CNTNAP2: variants seen among roughly 807,000 people sequenced by gnomAD.
The protein encoded by CNTNAP2 is contactin-associated protein-like 2.
CNTNAP2 carries 98 observed loss-of-function variants against 155.2 expected under a neutral mutation model. That is an observed-to-expected ratio of 0.63 (90% CI 0.54 to 0.75). The LOEUF (loss-of-function observed/expected upper bound fraction) is 0.75. Ranked by LOEUF, CNTNAP2 falls within the 30% of genes least tolerant of loss-of-function variation. The probability of loss-of-function intolerance (pLI) is 0.00; values close to 1 mark genes in which losing one functional copy is unlikely to be tolerated. For synonymous variants in CNTNAP2, 651 were observed against 631.2 expected, an observed-to-expected ratio of 1.03 and a Z score of -0.47; for missense variants, 1,727 against 1,688.1, an observed-to-expected ratio of 1.02 and a Z score of -0.40.
chr7:147,985,249 A>G (rs1399178215), intron 15 of CNTNAP2, among the ~76,000 whole-genome samples: 2 of 151,756 alleles, frequency 1.3e-5, no homozygotes, highest in African/African-American at 2.4e-5. Flanking sequence ...CTATTTTTCC[A>G]GGATGGTAAA....
chr7:147,992,131 G>T (rs551540735), intron 15 of CNTNAP2, among the ~76,000 whole-genome samples: 3 of 111,388 alleles, frequency 2.7e-5, no homozygotes, highest in East Asian at 2.9e-4. Flanking sequence ...GTCTCGCTCT[G>T]TCACCTAGGC....
intron 13 of CNTNAP2, among the ~76,000 whole-genome samples, chr7:147,719,795 T>C (rs1323557145): frequency 6.6e-6 from 1 of 152,114 alleles, no homozygotes; most frequent in Non-Finnish European, 1.5e-5. Flanking sequence ...TGCCTTTCTC[T>C]CTTTTTTCAC....
At chr7:147,198,173 G>C (rs968391865) in intron 8 of CNTNAP2, among the ~76,000 whole-genome samples, 1 of 147,894 alleles carries the variant, frequency 6.8e-6, no homozygotes. Context: ...ACTGCCTAAA[G>C]AAAAGCTTTA....
intron 9 of CNTNAP2, among the ~76,000 whole-genome samples, chr7:147,334,138 C>G (rs1795625463): frequency 6.6e-6 from 1 of 152,190 alleles, no homozygotes. Flanking sequence ...CTGGTCCTCT[C>G]AAAGCTAATG....
At chr7:146,673,570 C>T (rs140464538) in intron 1 of CNTNAP2, among the ~76,000 whole-genome samples, 3 of 152,276 alleles carry the variant, frequency 2.0e-5, no homozygotes, top group African/African-American at 2.4e-5. Flanking sequence ...CATCCCATTA[C>T]GACAACCATA....
intron 10 of CNTNAP2, among the ~76,000 whole-genome samples, chr7:147,457,355 C>A (rs146272519): frequency 6.6e-6 from 1 of 152,242 alleles, no homozygotes; most frequent in Non-Finnish European, 1.5e-5. Context: ...GGGTTCTTTG[C>A]AGTTGTAACG....
At chr7:146,996,682 A>T (rs1255102429) in intron 3 of CNTNAP2, among the ~76,000 whole-genome samples, 2 of 151,592 alleles carry the variant, frequency 1.3e-5, no homozygotes, top group African/African-American at 4.8e-5. Context: ...TTTTTTTTCC[A>T]ATTTGAATTC....
At chr7:148,288,441 C>A (rs1325060456) in intron 21 of CNTNAP2, among the ~76,000 whole-genome samples, 1 of 152,108 alleles carries the variant, frequency 6.6e-6, no homozygotes, top group Non-Finnish European at 1.5e-5. Context: ...ATCATAGGGA[C>A]CCACCGCGAT....
chr7:148,371,873 A>C (rs1798890960), intron 21 of CNTNAP2, among the ~76,000 whole-genome samples: 1 of 152,174 alleles, frequency 6.6e-6, no homozygotes, highest in African/African-American at 2.4e-5. Context: ...TTGTTCACTA[A>C]ACATAGACAA....
chr7:147,324,256 T>C (rs1795410378), intron 9 of CNTNAP2, among the ~76,000 whole-genome samples: 1 of 152,184 alleles, frequency 6.6e-6, no homozygotes, highest in Non-Finnish European at 1.5e-5. Context: ...ACACAGTGTC[T>C]GATGCATGCA....
At chr7:147,438,017 T>A (rs1037370683) in intron 10 of CNTNAP2, among the ~76,000 whole-genome samples, 1 of 152,096 alleles carries the variant, frequency 6.6e-6, no homozygotes, top group African/African-American at 2.4e-5. Context: ...TTGTGTGCAG[T>A]CTTTAGGTTT....
chr7:147,186,726 G>A lies in CNTNAP2; in HGVS notation c.1348+54217G>A, dbSNP rs557410941. On this transcript the variant is annotated intron_variant, in intron 8 of 23. Transcript: ENST00000361727. ...TGTTTCACCACCAAAAACTGTCCAC[G>A]TAGAGATGTGGAGAGAACCAAGAAC... Among the ~76,000 whole-genome samples the A allele has an allele frequency of 8.5e-5, 13 of 152,290 alleles. 1 individual carries two copies. The highest frequency in any genetic ancestry group is 1.9e-4 in the East Asian group (1 of 5,170).
chr7:148,082,854 T>A (rs1324453245), intron 15 of CNTNAP2, among the ~76,000 whole-genome samples: 4 of 152,084 alleles, frequency 2.6e-5, no homozygotes, highest in Non-Finnish European at 5.9e-5. Context: ...AATTTTTGTA[T>A]TTTTAGTAGA....
At chr7:146,697,139 T>A (rs1215562519) in intron 1 of CNTNAP2, among the ~76,000 whole-genome samples, 1 of 152,206 alleles carries the variant, frequency 6.6e-6, no homozygotes, top group Non-Finnish European at 1.5e-5. Flanking sequence ...TTTGCAGTTA[T>A]ATCAGTTTTT....
At chr7:146,955,324 T>C (rs1797410232) in intron 3 of CNTNAP2, among the ~76,000 whole-genome samples, 1 of 152,018 alleles carries the variant, frequency 6.6e-6, no homozygotes, top group Non-Finnish European at 1.5e-5. Flanking sequence ...ATCCCTGTAG[T>C]TGGAAGATTT....
At chr7:146,604,841 T>A (rs1393150991) in intron 1 of CNTNAP2, among the ~76,000 whole-genome samples, 1 of 143,696 alleles carries the variant, frequency 7.0e-6, no homozygotes, top group African/African-American at 2.5e-5. Context: ...ACCAAACACC[T>A]CATATTCTCA....
chr7:148,311,481 A>G (rs1797594707), intron 21 of CNTNAP2, among the ~76,000 whole-genome samples: 2 of 152,134 alleles, frequency 1.3e-5, no homozygotes, highest in Non-Finnish European at 2.9e-5. Flanking sequence ...ATAAAAGTAA[A>G]GAATAGAACT....
chr7:147,815,781 A>G (rs1798254850), intron 13 of CNTNAP2, among the ~76,000 whole-genome samples: 1 of 152,176 alleles, frequency 6.6e-6, no homozygotes, highest in South Asian at 2.1e-4. Flanking sequence ...CAAGGGTTCA[A>G]TCCACGAATA....
chr7:148,042,781 T>A (rs1802703606), intron 15 of CNTNAP2, among the ~76,000 whole-genome samples: 1 of 152,192 alleles, frequency 6.6e-6, no homozygotes, highest in South Asian at 2.1e-4. Context: ...ATAATGCATA[T>A]CCATTTTTCT....
Sources: allele counts gnomAD v4.1 joint callset (sites outside exome capture counted in the v4.1 genomes callset), GRCh38; gene constraint gnomAD v4.1.1; transcripts MANE v1.5; gene names NCBI Gene and HGNC (gene_info 2026-07-23, HGNC 2026-07-21).